The following PCDH15 variants were observed in gnomAD, a reference collection of about 807,000 sequenced individuals.
PCDH15 encodes the protein protocadherin related 15, also known as protocadherin-15.
PCDH15 carries 129 observed loss-of-function variants against 178.5 expected under a neutral mutation model. The ratio of observed to expected loss-of-function variants is 0.72; its 90% CI spans 0.63 to 0.84. The LOEUF (loss-of-function observed/expected upper bound fraction) is 0.84. Ranked by LOEUF, PCDH15 falls within the 40% of genes least tolerant of loss-of-function variation. The probability of loss-of-function intolerance (pLI) is 0.00; values close to 1 mark genes in which losing one functional copy is unlikely to be tolerated. For missense variants in PCDH15, 2,230 were observed against 2,099.9 expected, an observed-to-expected ratio of 1.06 and a Z score of -1.21; for synonymous variants, 800 against 732.0, an observed-to-expected ratio of 1.09 and a Z score of -1.50.
intron 3 of PCDH15, among the ~76,000 whole-genome samples, chr10:54,878,207 C>T (rs768127661): frequency 2.0e-5 from 3 of 152,080 alleles, no homozygotes; most frequent in Non-Finnish European, 4.4e-5. Flanking sequence ...AGGTGATCCA[C>T]CTGCCTCGCC....
intron 2 of PCDH15, among the ~76,000 whole-genome samples, chr10:55,529,796 A>G (rs948585965): frequency 3.6e-4 from 47 of 130,864 alleles, no homozygotes; most frequent in Admixed American, 1.6e-3. Flanking sequence ...CCACAAATAC[A>G]TATATGTTTT....
At chr10:54,709,259 CAG>C (rs1474986973) in intron 1 of PCDH15, among the ~76,000 whole-genome samples, 1 of 147,708 alleles carries the variant, frequency 6.8e-6, no homozygotes, top group African/African-American at 2.5e-5. Flanking sequence ...CGTATAGAAA[CAG>C]AATTTTATAC....
At position 53,806,536 on chromosome 10, in the gene PCDH15, A is replaced by AAATGT; in HGVS notation, c.*38_*42dup. ...GACAATAAAAAGCACAGTTTATTAAAAATGTAAGTAAAAATTAATTAAAAT... is the reference window on the plus strand; with the variant it reads ...GACAATAAAAAGCACAGTTTATTAAAAATGTAATGTAAGTAAAAATTAATTAAAAT... On this transcript the variant is annotated 3_prime_UTR_variant, in exon 38 of 38. Transcript: ENST00000644397. The AAATGT allele has an allele frequency of 7.0e-7, 1 of 1,431,870 alleles. No homozygotes were observed. Among genetic ancestry groups the AAATGT allele is most frequent in the Non-Finnish European group, 9.4e-7 (1 of 1,058,670 alleles). 88.7% of individuals were successfully genotyped at this position (1,431,870 alleles called of 1,614,324 possible).
intron 3 of PCDH15, among the ~76,000 whole-genome samples, chr10:54,495,236 T>A (rs1211422138): frequency 6.6e-6 from 1 of 152,128 alleles, no homozygotes; most frequent in Non-Finnish European, 1.5e-5. Flanking sequence ...TGTTAATAAC[T>A]CATCTGCAAA....
chr10:54,982,692 A>T (rs1839268007), intron 2 of PCDH15, among the ~76,000 whole-genome samples: 1 of 152,140 alleles, frequency 6.6e-6, no homozygotes, highest in African/African-American at 2.4e-5. Context: ...CATTAGTAAA[A>T]TCTTATAAAA....
chr10:54,812,621 G>A (rs987148730), intron 3 of PCDH15, among the ~76,000 whole-genome samples: 2 of 151,938 alleles, frequency 1.3e-5, no homozygotes, highest in Non-Finnish European at 2.9e-5. Flanking sequence ...ACCATGCCCA[G>A]GTAATTTTTA....
chr10:54,287,066 C>T (rs568762735), intron 8 of PCDH15, among the ~76,000 whole-genome samples: 2 of 152,318 alleles, frequency 1.3e-5, no homozygotes, highest in South Asian at 4.1e-4. Flanking sequence ...ATAAGTTATA[C>T]ATTAAATATA....
chr10:54,676,968 G>T (rs570297019), intron 1 of PCDH15, among the ~76,000 whole-genome samples: 1 of 152,178 alleles, frequency 6.6e-6, no homozygotes. Flanking sequence ...TATTACAGAT[G>T]ATTTTGAAGT....
rs1456768877 is a variant in PCDH15, at chr10:53,952,174, G to A, written c.3122+7558C>T. On this transcript the variant is annotated intron_variant, in intron 23 of 37. Transcript: ENST00000644397. ...TCTCATTGCCCACAATGTGGCAAGC[G>A]GGGAGGCATGTTTCAGCCCTGCTGG... 8.5e-5 allele frequency among the ~76,000 whole-genome samples: 13 copies of A among 152,274 alleles called. No homozygotes were observed. The East Asian group carries it at 2.3e-3, about 27-fold the overall frequency.
intron 15 of PCDH15, among the ~76,000 whole-genome samples, chr10:54,098,189 GTTGT>G (rs1266731877): frequency 5.2e-5 from 6 of 115,900 alleles, no homozygotes; most frequent in Admixed American, 9.6e-5. Context: ...AGAAAATAAA[GTTGT>G]GTGTGTGTGT....
intron 1 of PCDH15, among the ~76,000 whole-genome samples, chr10:54,757,091 A>T (rs953706355): frequency 9.2e-5 from 14 of 152,254 alleles, no homozygotes; most frequent in African/African-American, 3.1e-4. Context: ...AAATATAAAA[A>T]TTTGCTTTAT....
At chr10:54,084,871 T>C (rs1299927058) in intron 16 of PCDH15, among the ~76,000 whole-genome samples, 2 of 152,182 alleles carry the variant, frequency 1.3e-5, no homozygotes, top group African/African-American at 2.4e-5. Flanking sequence ...ATTTATCACA[T>C]TGCTTTTGGG....
At chr10:54,938,215 A>G (rs1450521785) in intron 2 of PCDH15, among the ~76,000 whole-genome samples, 1 of 151,626 alleles carries the variant, frequency 6.6e-6, no homozygotes, top group East Asian at 1.9e-4. Flanking sequence ...GTCTGCTAGT[A>G]TTAAGTGAAA....
intron 1 of PCDH15, among the ~76,000 whole-genome samples, chr10:54,740,279 T>G (rs1170711903): frequency 6.6e-6 from 1 of 151,934 alleles, no homozygotes; most frequent in Admixed American, 6.6e-5. Context: ...GAAAATAATG[T>G]TCAAAATCAC....
chr10:55,028,976 CA>C (rs1840544358), intron 2 of PCDH15, among the ~76,000 whole-genome samples: 1 of 100,128 alleles, frequency 1.0e-5, no homozygotes, highest in Admixed American at 9.8e-5. Flanking sequence ...AAATTGCATT[CA>C]AATTTTTTTT....
intron 25 of PCDH15, among the ~76,000 whole-genome samples, chr10:53,917,149 A>G (rs1363094855): frequency 2.0e-5 from 3 of 152,190 alleles, no homozygotes; most frequent in Non-Finnish European, 4.4e-5. Flanking sequence ...GTCCTATTAA[A>G]TATGCATACT....
chr10:54,972,269 G>T (rs570208433), intron 2 of PCDH15, among the ~76,000 whole-genome samples: 5 of 152,328 alleles, frequency 3.3e-5, no homozygotes, highest in Non-Finnish European at 7.3e-5. Context: ...GCTGGGCGTG[G>T]TGGCTCATGC....
intron 20 of PCDH15, among the ~76,000 whole-genome samples, chr10:53,996,054 A>C (rs1485633215): frequency 6.6e-6 from 1 of 152,156 alleles, no homozygotes. Context: ...ATTTTTTTCT[A>C]ACTTCTAATG....
At chr10:54,223,218 G>A (rs1272226634) in intron 9 of PCDH15, among the ~76,000 whole-genome samples, 1 of 149,634 alleles carries the variant, frequency 6.7e-6, no homozygotes, top group African/African-American at 2.5e-5. Flanking sequence ...GCTGAGGGAG[G>A]AGAATTGCTT....
Sources: allele counts gnomAD v4.1 joint callset (sites outside exome capture counted in the v4.1 genomes callset), GRCh38; gene constraint gnomAD v4.1.1; transcripts MANE v1.5; gene names NCBI Gene and HGNC (gene_info 2026-07-23, HGNC 2026-07-21).